The following CACHD1 variants were observed in gnomAD, a reference collection of about 807,000 sequenced individuals.
CACHD1 encodes the protein cache domain containing 1, also known as VWFA and cache domain-containing protein 1.
In CACHD1, 71 loss-of-function variants were observed where a neutral mutation model predicts 138.7. The observed-to-expected ratio is 0.51, with a 90% CI of 0.42 to 0.62. The LOEUF (loss-of-function observed/expected upper bound fraction) is 0.62. Among genes scored for constraint, CACHD1 ranks in the 20% least tolerant of loss-of-function variants. CACHD1 has a pLI of 0.00. For synonymous variants in CACHD1, 578 were observed against 591.5 expected (o/e 0.98, Z 0.33); for missense variants, 1,389 against 1,625.3 (o/e 0.85, Z 2.50).
At chr1:64,668,805 A>AT (rs2100713492) in intron 16 of CACHD1, among the ~76,000 whole-genome samples, 1 of 152,328 alleles carries the variant, frequency 6.6e-6, no homozygotes, top group East Asian at 1.9e-4. Flanking sequence ...TTTAAAATGC[A>AT]AGTCAACTAC....
intron 1 of CACHD1, 90 bp downstream of exon 1, chr1:64,471,032 T>G (rs1646140867): frequency 7.7e-7 from 1 of 1,306,450 alleles, no homozygotes; most frequent in East Asian, 2.6e-5. Context: ...CTGGACTGTG[T>G]GCATCGGCTC....
At chr1:64,669,334 G>C (rs937245957) in intron 16 of CACHD1, among the ~76,000 whole-genome samples, 7 of 152,090 alleles carry the variant, frequency 4.6e-5, no homozygotes, top group Admixed American at 2.0e-4. Context: ...TGCTATTTTT[G>C]TTTTAAAGTT....
chr1:64,590,341 A>G (rs1488801422), intron 3 of CACHD1, among the ~76,000 whole-genome samples: 4 of 151,954 alleles, frequency 2.6e-5, no homozygotes, highest in African/African-American at 9.6e-5. Flanking sequence ...AAAAAAAAAA[A>G]AAAGTTAATG....
chr1:64,675,889 C>A lies in CACHD1; in HGVS notation c.2889-8C>A. The stretch of plus-strand genomic sequence containing the variant: ...CTTCTGCATAGTAACTTTCTTTTTG[C>A]TTTTCAGAATGGAACAAAATGAATG... On this transcript the variant is annotated splice_region_variant and splice_polypyrimidine_tract_variant and intron_variant, in intron 20 of 26. Transcript: ENST00000651257. 1 of 1,530,154 alleles carries A rather than the reference C, an allele frequency of 6.5e-7. No individual in the cohort carries two copies. The highest frequency in any genetic ancestry group is 1.3e-5 in the South Asian group (1 of 74,562). 94.8% of individuals were successfully genotyped at this position (1,530,154 alleles called of 1,614,324 possible).
intron 1 of CACHD1, among the ~76,000 whole-genome samples, chr1:64,543,821 T>C: frequency 6.6e-6 from 1 of 151,782 alleles, no homozygotes; most frequent in African/African-American, 2.4e-5. Context: ...ACATTTTATT[T>C]CTTAAAATAC....
chr1:64,495,469 T>C (rs114412067), intron 1 of CACHD1, among the ~76,000 whole-genome samples: 5,156 of 152,300 alleles, frequency 0.034, 123 homozygotes, highest in Non-Finnish European at 0.049. Flanking sequence ...CTACCATCTC[T>C]TCTTATGTAC....
rs114091122 is a variant in CACHD1, at chr1:64,501,769, A to T, written c.198+30827A>T. ...TTTCTTCCAAGGCTGATGAAAAAGA[A>T]ATGGAAGTGACTTCCACTTGAAAAT... On this transcript the variant is annotated intron_variant, in intron 1 of 26. Transcript: ENST00000651257. Among the ~76,000 whole-genome samples, 722 of 152,354 alleles carry T rather than the reference A, an allele frequency of 4.7e-3. 5 individuals are homozygous for T. Among genetic ancestry groups the T allele is most frequent in the African/African-American group, 0.017 (694 of 41,584 alleles).
intron 2 of CACHD1, among the ~76,000 whole-genome samples, chr1:64,572,081 C>G (rs1275736541): frequency 1.3e-5 from 2 of 152,298 alleles, no homozygotes; most frequent in Non-Finnish European, 2.9e-5. Context: ...AAAGCCTGGT[C>G]TTTCACAGGC....
chr1:64,492,945 A>G (rs1278924193), intron 1 of CACHD1, among the ~76,000 whole-genome samples: 1 of 152,144 alleles, frequency 6.6e-6, no homozygotes, highest in East Asian at 1.9e-4. Flanking sequence ...GCTTTCCCTG[A>G]ATCCCTACCT....
intron 4 of CACHD1, among the ~76,000 whole-genome samples, chr1:64,622,714 T>G (rs988523867): frequency 1.3e-5 from 2 of 152,228 alleles, no homozygotes; most frequent in African/African-American, 4.8e-5. Flanking sequence ...CTTGCCACCT[T>G]GAGCATGTTA....
intron 14 of CACHD1, 139 bp downstream of exon 14, chr1:64,663,976 C>CA: frequency 2.7e-6 from 3 of 1,131,090 alleles, no homozygotes; most frequent in Non-Finnish European, 3.7e-6. Context: ...GTGTGTGGCC[C>CA]AGGGGAGGCT....
intron 2 of CACHD1, among the ~76,000 whole-genome samples, chr1:64,570,133 C>A (rs536228111): frequency 6.6e-6 from 1 of 152,190 alleles, no homozygotes; most frequent in South Asian, 2.1e-4. Flanking sequence ...TAAAACCTGG[C>A]GAGCAACTCA....
At chr1:64,614,363 T>C (rs1271187552) in intron 4 of CACHD1, among the ~76,000 whole-genome samples, 1 of 152,190 alleles carries the variant, frequency 6.6e-6, no homozygotes, top group Non-Finnish European at 1.5e-5. Context: ...TTATTTCATC[T>C]AAACACCTGG....
At chr1:64,486,300 A>G (rs977861835) in intron 1 of CACHD1, among the ~76,000 whole-genome samples, 1 of 151,926 alleles carries the variant, frequency 6.6e-6, no homozygotes, top group African/African-American at 2.4e-5. Context: ...CATTTCCATA[A>G]CCAAAAAAGT....
intron 1 of CACHD1, among the ~76,000 whole-genome samples, chr1:64,505,499 T>C (rs577288689): frequency 9.2e-5 from 14 of 151,734 alleles, no homozygotes; most frequent in Non-Finnish European, 1.9e-4. Flanking sequence ...ATTAGGTGCA[T>C]AAAATCGCTG....
chr1:64,564,440 T>C (rs1404632669), intron 2 of CACHD1, among the ~76,000 whole-genome samples: 1 of 152,154 alleles, frequency 6.6e-6, no homozygotes, highest in African/African-American at 2.4e-5. Flanking sequence ...GGATGCTGTA[T>C]CAGCATCAAT....
intron 3 of CACHD1, among the ~76,000 whole-genome samples, chr1:64,586,790 A>G (rs551902539): frequency 1.3e-5 from 2 of 152,316 alleles, no homozygotes; most frequent in Non-Finnish European, 1.5e-5. Flanking sequence ...AATAAAATTG[A>G]ATTATTTTAA....
chr1:64,538,683 G>A (rs1222146670), intron 1 of CACHD1, among the ~76,000 whole-genome samples: 6 of 152,144 alleles, frequency 3.9e-5, no homozygotes, highest in African/African-American at 1.2e-4. Context: ...TATACTTTCT[G>A]TACTTGATGA....
intron 19 of CACHD1, 141 bp from the exon 20 acceptor site, chr1:64,675,260 T>C (rs1437683214): frequency 1.7e-6 from 1 of 599,894 alleles, no homozygotes; most frequent in Non-Finnish European, 2.7e-6. Context: ...TGACTATATA[T>C]TTTTTAACAG....
Sources: allele counts gnomAD v4.1 joint callset (sites outside exome capture counted in the v4.1 genomes callset), GRCh38; gene constraint gnomAD v4.1.1; transcripts MANE v1.5; gene names NCBI Gene and HGNC (gene_info 2026-07-23, HGNC 2026-07-21).